SLCO6A1: variants seen among roughly 807,000 people sequenced by gnomAD.
SLCO6A1 encodes solute carrier organic anion transporter family member 6A1.
SLCO6A1 carries 65 observed loss-of-function variants against 72.7 expected under a neutral mutation model. That is an observed-to-expected ratio of 0.89 (90% CI 0.73 to 1.10). The LOEUF is 1.10. Among genes scored for constraint, SLCO6A1 ranks in the 50% least tolerant of loss-of-function variants. SLCO6A1 has a pLI of 0.00. For missense variants in SLCO6A1, 874 were observed against 872.6 expected, an observed-to-expected ratio of 1.00 and a Z score of -0.02; for synonymous variants, 314 against 298.2, an observed-to-expected ratio of 1.05 and a Z score of -0.55.
chr5:102,413,214 C>A, intron 8 of SLCO6A1, 71 bp from the exon 9 acceptor site: 1 of 1,371,760 alleles, frequency 7.3e-7, no homozygotes, highest in Non-Finnish European at 9.8e-7. Flanking sequence ...GTCAAGATAT[C>A]AGTGAGATCC....
At chr5:102,435,676 A>T (rs1490930454) in intron 7 of SLCO6A1, among the ~76,000 whole-genome samples, 1 of 152,170 alleles carries the variant, frequency 6.6e-6, no homozygotes, top group African/African-American at 2.4e-5. Flanking sequence ...GGAGTTCGCG[A>T]CCTGCCTGAG....
chr5:102,487,597 G>A (rs1438045824), intron 1 of SLCO6A1, among the ~76,000 whole-genome samples: 1 of 152,112 alleles, frequency 6.6e-6, no homozygotes, highest in Non-Finnish European at 1.5e-5. Flanking sequence ...AGGTAGCCTG[G>A]TGACTTCATG....
intron 9 of SLCO6A1, among the ~76,000 whole-genome samples, chr5:102,401,900 G>A (rs1433474184): frequency 6.6e-6 from 1 of 152,032 alleles, no homozygotes; most frequent in African/African-American, 2.4e-5. Flanking sequence ...AATGAATCTG[G>A]AGGACAGACA....
intron 1 of SLCO6A1, among the ~76,000 whole-genome samples, chr5:102,484,729 A>G (rs1752364704): frequency 4.6e-5 from 7 of 152,200 alleles, no homozygotes; most frequent in Admixed American, 4.6e-4. Flanking sequence ...AGTTTACTTA[A>G]AACATTTCCA....
intron 10 of SLCO6A1, among the ~76,000 whole-genome samples, chr5:102,397,918 G>A (rs1670082499): frequency 6.6e-6 from 1 of 152,100 alleles, no homozygotes; most frequent in Non-Finnish European, 1.5e-5. Context: ...GTTATTGAGA[G>A]AAGTGAGATT....
intron 1 of SLCO6A1, among the ~76,000 whole-genome samples, chr5:102,482,602 T>C (rs1205503586): frequency 2.0e-5 from 3 of 152,176 alleles, no homozygotes; most frequent in Non-Finnish European, 4.4e-5. Context: ...ATCATAATTA[T>C]CTATAAGACC....
chr5:102,412,960 CA>C, intron 9 of SLCO6A1, 29 bp downstream of exon 9: 1 of 1,021,772 alleles, frequency 9.8e-7, no homozygotes, highest in East Asian at 3.3e-5. Context: ...AAATGTATAA[CA>C]AAACATAATA....
At chr5:102,459,592 G>T in intron 5 of SLCO6A1, 64 bp downstream of exon 5, 1 of 1,474,568 alleles carries the variant, frequency 6.8e-7, no homozygotes, top group South Asian at 1.4e-5. Flanking sequence ...CATTCTATGA[G>T]AATAAGAACC....
chr5:102,411,158 G>A (rs1267801368), intron 9 of SLCO6A1, among the ~76,000 whole-genome samples: 1 of 152,054 alleles, frequency 6.6e-6, no homozygotes, highest in Non-Finnish European at 1.5e-5. Flanking sequence ...CTTTGCTATG[G>A]CAAGAGGTAG....
rs775395510 is a variant in SLCO6A1, at chr5:102,373,353, T to G, written c.2159A>C (p.Ter720SerextTer67). The change falls in exon 13 of 14, where the codon TAA becomes TCA. Residue 720 changes from the stop codon to serine, a stop_lost. Coordinates refer to ENST00000506729, the MANE Select transcript of SLCO6A1 (RefSeq NM_173488.5). ...AATTCTTACACAATGATGATCCAGT[T>G]ACAAGTCAGTTTCTTCTTTTTTCTT... is the stretch of plus-strand genomic sequence containing the variant. The part of the protein sequence containing the change: ...KVKKKEETDL[*>S] 7 of 1,558,810 alleles carry G rather than the reference T, an allele frequency of 4.5e-6. No individual in the cohort carries two copies. In the East Asian group the frequency reaches 1.7e-4, roughly 37 times the overall value.
At chr5:102,491,601 C>G (rs1752679814) in intron 1 of SLCO6A1, among the ~76,000 whole-genome samples, 1 of 152,254 alleles carries the variant, frequency 6.6e-6, no homozygotes, top group African/African-American at 2.4e-5. Flanking sequence ...TGCTAAGCCC[C>G]TCACTGCCTG....
intron 12 of SLCO6A1, among the ~76,000 whole-genome samples, chr5:102,387,633 G>T (rs1335698150): frequency 6.6e-6 from 1 of 151,982 alleles, no homozygotes; most frequent in African/African-American, 2.4e-5. Flanking sequence ...GAATTAGAAG[G>T]CATTGCTCTA....
At chr5:102,390,020 A>G (rs1037173091) in intron 11 of SLCO6A1, among the ~76,000 whole-genome samples, 6 of 152,180 alleles carry the variant, frequency 3.9e-5, no homozygotes, top group Admixed American at 1.3e-4. Context: ...CTGGGATTAC[A>G]AATATGAGCA....
At chr5:102,389,449 C>CT (rs1561420573) in intron 11 of SLCO6A1, among the ~76,000 whole-genome samples, 6 of 62,862 alleles carry the variant, frequency 9.5e-5, no homozygotes, top group East Asian at 9.2e-4. Context: ...CACCCCGCCC[C>CT]CCACCCCCAC....
Position 102,397,162 on chromosome 5 carries a change from T to G in SLCO6A1, c.1814+2393A>C, listed in dbSNP as rs563834322. ...TTATCTGATACATGGTAACTTTTTT[T>G]GGTGAGTTTTCATTGTCTATAGTAA... On this transcript the variant is annotated intron_variant, in intron 10 of 13. Transcript: ENST00000506729. Among the ~76,000 whole-genome samples, 305 of 152,320 alleles carry G rather than the reference T, an allele frequency of 2.0e-3. 2 individuals are homozygous for G. The highest frequency in any genetic ancestry group is 7.0e-3 in the African/African-American group (293 of 41,574).
chr5:102,386,166 A>C (rs1746406825), intron 12 of SLCO6A1, among the ~76,000 whole-genome samples: 1 of 151,976 alleles, frequency 6.6e-6, no homozygotes, highest in Admixed American at 6.6e-5. Flanking sequence ...GGCCTGATTC[A>C]TGGGTCTACA....
At chr5:102,386,015 C>T (rs907778196) in intron 12 of SLCO6A1, among the ~76,000 whole-genome samples, 2 of 152,020 alleles carry the variant, frequency 1.3e-5, no homozygotes, top group Admixed American at 6.6e-5. Context: ...TGTTTTATTG[C>T]GTTGCTTTGG....
At chr5:102,455,036 T>TA (rs1750635598) in intron 6 of SLCO6A1, among the ~76,000 whole-genome samples, 1 of 90,094 alleles carries the variant, frequency 1.1e-5, no homozygotes, top group African/African-American at 6.0e-5. Flanking sequence ...ATAAATTATG[T>TA]TATAACAAAG....
At chr5:102,474,281 C>T (rs903774800) in intron 4 of SLCO6A1, among the ~76,000 whole-genome samples, 9 of 152,040 alleles carry the variant, frequency 5.9e-5, no homozygotes, top group Middle Eastern at 3.4e-3. Context: ...CTCATATATA[C>T]GGTGAAATGA....
Sources: gnomAD v4.1 joint callset for allele counts (sites outside exome capture counted in the v4.1 genomes callset) on GRCh38, gnomAD v4.1.1 for gene constraint, MANE v1.5 for transcripts, NCBI Gene and HGNC (gene_info 2026-07-23, HGNC 2026-07-21) for gene names.